The following REDIC1 variants were observed in gnomAD, a reference collection of about 807,000 sequenced individuals.
The protein encoded by REDIC1 is HEI10 Interacting Protein 1.
At chr12:39,809,476 G>C in the REDIC1 span, among the ~76,000 whole-genome samples, 1 of 152,058 alleles carries the variant, frequency 6.6e-6, no homozygotes, top group Non-Finnish European at 1.5e-5. Context: ...AGTTGATCTA[G>C]AGATCAACTT....
At chr12:39,646,854 GA>G in the REDIC1 span, 1 of 1,591,074 alleles carries the variant, frequency 6.3e-7, no homozygotes, top group Non-Finnish European at 8.6e-7. Context: ...AACTGTCAAA[GA>G]CTAAGTAGCA....
At chr12:39,721,398 A>C in the REDIC1 span, 2 of 644,442 alleles carry the variant, frequency 3.1e-6, no homozygotes, top group African/African-American at 3.7e-5. Flanking sequence ...TTCACGGTTC[A>C]TGTTAAAACA....
chr12:39,693,287 A>G, the REDIC1 span, among the ~76,000 whole-genome samples: 1 of 152,102 alleles, frequency 6.6e-6, no homozygotes, highest in Non-Finnish European at 1.5e-5. Flanking sequence ...ATGCTAGCAT[A>G]GTCCTTCATG....
At chr12:39,819,280 A>G in the REDIC1 span, among the ~76,000 whole-genome samples, 3 of 152,188 alleles carry the variant, frequency 2.0e-5, no homozygotes, top group Non-Finnish European at 4.4e-5. Context: ...AAATATTTTT[A>G]TCGTTTGGAG....
At chr12:39,748,711 C>A in the REDIC1 span, among the ~76,000 whole-genome samples, 1 of 152,186 alleles carries the variant, frequency 6.6e-6, no homozygotes, top group Non-Finnish European at 1.5e-5. Context: ...GAAACTATAA[C>A]AAATGGTCTC....
At chr12:39,717,347 T>C in the REDIC1 span, among the ~76,000 whole-genome samples, 1 of 151,980 alleles carries the variant, frequency 6.6e-6, no homozygotes, top group Non-Finnish European at 1.5e-5. Flanking sequence ...GTATGTTGTA[T>C]ATATTATATA....
chr12:39,824,299 A>T, the REDIC1 span, among the ~76,000 whole-genome samples: 1 of 152,190 alleles, frequency 6.6e-6, no homozygotes, highest in South Asian at 2.1e-4. Context: ...ATCAAAGATG[A>T]GACTTAGATA....
the REDIC1 span, among the ~76,000 whole-genome samples, chr12:39,810,886 T>C: frequency 5.5e-3 from 834 of 152,254 alleles, 7 homozygotes; most frequent in African/African-American, 0.019. Flanking sequence ...ATCTATAGTT[T>C]TTCTTTCTTG....
the REDIC1 span, among the ~76,000 whole-genome samples, chr12:39,745,552 A>T: frequency 1.3e-5 from 2 of 152,246 alleles, no homozygotes; most frequent in Non-Finnish European, 2.9e-5. Context: ...AGTATCTAGC[A>T]CATAACGAGT....
the REDIC1 span, among the ~76,000 whole-genome samples, chr12:39,650,824 C>T: frequency 1.3e-5 from 2 of 152,170 alleles, no homozygotes; most frequent in East Asian, 3.8e-4. The surrounding 1 kb of genome is among the most constrained non-coding windows in gnomAD (Gnocchi z 4.3). Flanking sequence ...GATCTGCCCA[C>T]CTTAGCCTCC....
chr12:39,811,332 C>A, the REDIC1 span, among the ~76,000 whole-genome samples: 1 of 152,064 alleles, frequency 6.6e-6, no homozygotes, highest in African/African-American at 2.4e-5. Flanking sequence ...ACCATTATAT[C>A]TTTCCTTCTA....
At chr12:39,727,090 A>C in the REDIC1 span, among the ~76,000 whole-genome samples, 1 of 152,270 alleles carries the variant, frequency 6.6e-6, no homozygotes, top group East Asian at 1.9e-4. Context: ...GATAGATTGC[A>C]AAAATTTTCT....
At chr12:39,676,897 C>T in the REDIC1 span, among the ~76,000 whole-genome samples, 1 of 151,968 alleles carries the variant, frequency 6.6e-6, no homozygotes, top group Non-Finnish European at 1.5e-5. Context: ...GACAAACATG[C>T]TGAGAGAATT....
chr12:39,667,988 A>G, the REDIC1 span, among the ~76,000 whole-genome samples: 1 of 152,140 alleles, frequency 6.6e-6, no homozygotes, highest in Non-Finnish European at 1.5e-5. Context: ...TCTCCTGAAT[A>G]CAGCACACTG....
chr12:39,773,596 A>C, the REDIC1 span, among the ~76,000 whole-genome samples: 1,112 of 152,316 alleles, frequency 7.3e-3, 14 homozygotes, highest in African/African-American at 0.025. Context: ...AAGCAGTGCA[A>C]ATATACAACT....
chr12:39,711,834 T>C, the REDIC1 span, among the ~76,000 whole-genome samples: 1 of 7,348 alleles, frequency 1.4e-4, no homozygotes, highest in Non-Finnish European at 6.1e-4. Context: ...CATGTGTATA[T>C]GTGTGTATAC....
chr12:39,741,242 A>T, the REDIC1 span, among the ~76,000 whole-genome samples: 1 of 152,204 alleles, frequency 6.6e-6, no homozygotes, highest in Non-Finnish European at 1.5e-5. Flanking sequence ...TGTTCATTAA[A>T]TTTACATCTG....
At chr12:39,667,372 C>T in the REDIC1 span, among the ~76,000 whole-genome samples, 5 of 152,100 alleles carry the variant, frequency 3.3e-5, no homozygotes, top group African/African-American at 4.8e-5. Flanking sequence ...TGTAGTTTAG[C>T]GGTTTTGAGT....
chr12:39,723,054 C>G, the REDIC1 span, among the ~76,000 whole-genome samples: 1 of 152,130 alleles, frequency 6.6e-6, no homozygotes, highest in African/African-American at 2.4e-5. Context: ...TACCAAGGCT[C>G]AGGTGAGCTT....
Sources: gnomAD v4.1 joint callset for allele counts (sites outside exome capture counted in the v4.1 genomes callset) on GRCh38, gnomAD v4.1.1 for gene constraint, Gnocchi (gnomAD v3.1) non-coding constraint, MANE v1.5 for transcripts, NCBI Gene and HGNC (gene_info 2026-07-23, HGNC 2026-07-21) for gene names.